KHDRBS1: variants seen among roughly 807,000 people sequenced by gnomAD.
KHDRBS1 encodes the protein KH domain-containing, RNA-binding, signal transduction-associated protein 1.
In KHDRBS1, 7 loss-of-function variants were observed where a neutral mutation model predicts 48.4. The ratio of observed to expected loss-of-function variants is 0.14; its 90% confidence interval spans 0.08 to 0.27. KHDRBS1 has a LOEUF of 0.27. Among genes scored for constraint, KHDRBS1 ranks in the 10% least tolerant of loss-of-function variants. The pLI, the probability that KHDRBS1 is intolerant of heterozygous loss-of-function variation, is 1.00. For synonymous variants in KHDRBS1, 241 were observed against 235.8 expected (o/e 1.02, Z -0.20); for missense variants, 458 against 601.2 (o/e 0.76, Z 2.49).
At chr1:32,053,381 CA>C (rs1471210882) in intron 10 of KHDRBS1, among the ~76,000 whole-genome samples, 1 of 152,018 alleles carries the variant, frequency 6.6e-6, no homozygotes, top group Non-Finnish European at 1.5e-5. Context: ...TAGCTTTAAG[CA>C]GACTAATTAA....
At chr1:32,042,469 G>C in intron 8 of KHDRBS1, 58 bp from the exon 9 acceptor site, 1 of 1,138,972 alleles carries the variant, frequency 8.8e-7, no homozygotes, top group Non-Finnish European at 1.3e-6. Context: ...ACCTATCCCT[G>C]CTTATCCCTA....
chr1:32,020,080 T>C (rs1638827695), intron 1 of KHDRBS1, among the ~76,000 whole-genome samples: 1 of 140,740 alleles, frequency 7.1e-6, no homozygotes, highest in Non-Finnish European at 1.7e-5. Flanking sequence ...ATGCAGGTTT[T>C]GTTTGTTTGT....
Position 32,037,994 on chromosome 1 carries a change from A to C in KHDRBS1, c.1065A>C (p.Ile355=). The C allele has an allele frequency of 6.2e-7, 1 of 1,614,240 alleles. No homozygotes were observed. Among genetic ancestry groups the C allele is most frequent in the East Asian group, 2.2e-5 (1 of 44,890 alleles). ...CACGGACAGCGGGCATCCAGAGGAT[A>C]CCTTTGCCTCCACCTCCTGCACCAG... ...PRARTAGIQR[I]PLPPPPAPET... is the part of the protein sequence containing the mutation. The change falls in exon 6 of 9, where the codon ATA becomes ATC. Residue 355 remains isoleucine (I), a synonymous_variant. Transcript: ENST00000327300.
chr1:32,040,452 G>A (rs1056214221), intron 8 of KHDRBS1, among the ~76,000 whole-genome samples: 2 of 152,216 alleles, frequency 1.3e-5, no homozygotes, highest in Admixed American at 6.5e-5. Flanking sequence ...ATTAGAGGCT[G>A]TAGGGGCTAG....
chr1:32,040,022 T>A (rs1244225170), intron 8 of KHDRBS1, among the ~76,000 whole-genome samples: 1 of 151,870 alleles, frequency 6.6e-6, no homozygotes, highest in African/African-American at 2.4e-5. Context: ...AAAAAAAAAT[T>A]TAGATCTCAT....
At chr1:32,042,470 C>T in intron 8 of KHDRBS1, 57 bp from the exon 9 acceptor site, 1 of 1,152,846 alleles carries the variant, frequency 8.7e-7, no homozygotes, top group South Asian at 1.3e-5. Context: ...CCTATCCCTG[C>T]TTATCCCTAA....
intron 2 of KHDRBS1, among the ~76,000 whole-genome samples, chr1:32,031,069 C>T (rs965611274): frequency 6.6e-6 from 1 of 151,904 alleles, no homozygotes; most frequent in Non-Finnish European, 1.5e-5. Flanking sequence ...AGCAACATAG[C>T]GAAACCCCAT....
In KHDRBS1 at chr1:32,014,097, G is replaced by T. The variant is rs780943655; in HGVS notation, c.102G>T (p.Pro34=). ...CCCACCCCTCGGTGCGTCAGACGCCGTCTCGGCAGCCGCCGCTGCCTCACC... is the reference window on the plus strand; with the variant it reads ...CCCACCCCTCGGTGCGTCAGACGCCTTCTCGGCAGCCGCCGCTGCCTCACC... The part of the protein sequence containing the change: ...SGAHPSVRQT[P]SRQPPLPHRS... Residue 34 remains proline, a synonymous_variant, in exon 1 of 9, where the codon CCG becomes CCT. Coordinates refer to ENST00000327300, the MANE Select transcript of KHDRBS1 (RefSeq NM_006559.3). The T allele has an allele frequency of 2.1e-5, 31 of 1,446,144 alleles. No homozygotes were observed. In the African/African-American group the frequency reaches 4.0e-4, roughly 19 times the overall value. 89.6% of individuals were successfully genotyped at this position (1,446,144 alleles called of 1,614,324 possible). A position where few individuals can be genotyped will look rare whatever the true frequency, so the allele number is the denominator to read the frequency against.
chr1:32,060,035 A>T (rs939506267), intron 10 of KHDRBS1: 4 of 152,224 alleles, frequency 2.6e-5, no homozygotes, highest in African/African-American at 9.6e-5. Flanking sequence ...AAACTTGTGT[A>T]CTGAATGAAA....
At chr1:32,030,565 A>T (rs1325356724) in intron 2 of KHDRBS1, 143 bp downstream of exon 2, 1 of 516,810 alleles carries the variant, frequency 1.9e-6, no homozygotes, top group Non-Finnish European at 3.2e-6. Context: ...AGTACCTGTT[A>T]CTGAGAGTTG....
chr1:32,021,137 C>T (rs1638850187), intron 1 of KHDRBS1, among the ~76,000 whole-genome samples: 2 of 151,738 alleles, frequency 1.3e-5, no homozygotes, highest in Admixed American at 6.6e-5. Context: ...AAAAAATTTT[C>T]AAAGTTGCAA....
At chr1:32,041,511 G>A (rs564370158) in intron 8 of KHDRBS1, among the ~76,000 whole-genome samples, 1 of 152,138 alleles carries the variant, frequency 6.6e-6, no homozygotes, top group South Asian at 2.1e-4. Context: ...AACCATTTGA[G>A]GATGTGAACC....
At chr1:32,059,176 A>C (rs951015583) in intron 10 of KHDRBS1, among the ~76,000 whole-genome samples, 8 of 151,366 alleles carry the variant, frequency 5.3e-5, no homozygotes, top group African/African-American at 1.7e-4. Context: ...AAAAAAAAAA[A>C]AAAAAAAACA....
chr1:32,039,519 T>C lies in KHDRBS1; in HGVS notation c.1180T>C (p.Ser394Pro). 1.3e-5 allele frequency: 19 copies of C among 1,467,834 alleles called. No individual in the cohort carries two copies. The highest frequency in any genetic ancestry group is 1.8e-5 in the Non-Finnish European group (19 of 1,046,668). The allele number at this position is 1,467,834 out of a possible 1,614,324, so 90.9% of individuals were successfully genotyped here. The change falls in exon 8 of 9, where the codon TCA becomes CCA. Residue 394 changes from serine to proline, a missense_variant. By Grantham distance (74) the Ser-to-Pro change is moderately conservative. Coordinates refer to ENST00000327300, the MANE Select transcript of KHDRBS1 (RefSeq NM_006559.3). The stretch of plus-strand genomic sequence containing the variant: ...CACTCTGCCTTTGGCTTTCAGGGAC[T>C]CAGAATATTATGACTATGGACATGG... Reference protein sequence around the residue: ...EGYYSQSQGDSEYYDYGHGEV... With the variant: ...EGYYSQSQGDPEYYDYGHGEV...
At position 32,031,697 on chromosome 1, in the gene KHDRBS1, T is replaced by C. The variant is rs1388126481; in HGVS notation, c.624+57T>C. The stretch of plus-strand genomic sequence containing the variant: ...CCTAATGCCTTCTACTTGCCCAGAA[T>C]GCAGTATGGATGTCTTATAGAGGCG... On this transcript the variant is annotated intron_variant, in intron 3 of 8. Transcript: ENST00000327300. The C allele has an allele frequency of 2.7e-6, 3 of 1,120,568 alleles. No individual in the cohort carries two copies. The East Asian group carries it at 7.2e-5, about 27-fold the overall frequency. 69.4% of individuals were successfully genotyped at this position (1,120,568 alleles called of 1,614,324 possible).
At chr1:32,056,739 C>T (rs188696072) in intron 10 of KHDRBS1, among the ~76,000 whole-genome samples, 356 of 152,328 alleles carry the variant, frequency 2.3e-3, no homozygotes, top group Middle Eastern at 0.014. Context: ...AGAGAAATAT[C>T]TTATGCTCTG....
rs545875970 is a variant in KHDRBS1 at position 32,028,053 on chromosome 1, G to C, written c.383-2245G>C. ...AATCGCTTGAACCCGGGAAGCAGAG[G>C]TTCCAGTGAGCAGAGATTGCACCAC... On this transcript the variant is annotated intron_variant, in intron 1 of 8. Coordinates refer to ENST00000327300, the MANE Select transcript of KHDRBS1 (RefSeq NM_006559.3). Among the ~76,000 whole-genome samples the C allele has an allele frequency of 1.6e-3, 240 of 152,308 alleles. 1 individual carries two copies. The highest frequency in any genetic ancestry group is 5.4e-3 in the African/African-American group (225 of 41,558).
chr1:32,046,186 C>CT (rs796185962), downstream of KHDRBS1, among the ~76,000 whole-genome samples: 2,078 of 140,800 alleles, frequency 0.015, 29 homozygotes, highest in East Asian at 0.038. Flanking sequence ...AAGGGTATTT[C>CT]TTTTTTTTTT....
chr1:32,049,427 T>C lies in KHDRBS1; in HGVS notation n.1301+4037T>C, dbSNP rs575386363. Among the ~76,000 whole-genome samples the C allele has an allele frequency of 2.8e-4, 42 of 150,574 alleles. No individual in the cohort carries two copies. In the South Asian group the frequency reaches 8.3e-3, roughly 30 times the overall value. ...TAGCATGTATCCCTACTTTGTTCTT[T>C]TTTTTTTTTTTACTGTTAAATGCGA... is the stretch of plus-strand genomic sequence containing the variant. On this transcript the variant is annotated intron_variant and non_coding_transcript_variant, in intron 10 of 10. Coordinates refer to the KHDRBS1 transcript ENST00000484270.
Sources: allele counts gnomAD v4.1 joint callset (sites outside exome capture counted in the v4.1 genomes callset), GRCh38; gene constraint gnomAD v4.1.1; transcripts MANE v1.5; gene names NCBI Gene and HGNC (gene_info 2026-07-23, HGNC 2026-07-21).